Variants in FAM13B observed in about 807,000 individuals in gnomAD.
The protein encoded by FAM13B is family with sequence similarity 13 member B, also known as protein FAM13B.
A neutral mutation model predicts 117.3 loss-of-function variants in FAM13B; 60 were observed. The observed-to-expected ratio is 0.51, with a 90% CI of 0.42 to 0.63. The LOEUF is 0.63. Among genes scored for constraint, FAM13B ranks in the 30% least tolerant of loss-of-function variants. The probability of loss-of-function intolerance (pLI) is 0.00; values close to 1 mark genes in which losing one functional copy is unlikely to be tolerated. For synonymous variants in FAM13B, 332 were observed against 356.1 expected, an observed-to-expected ratio of 0.93 and a Z score of 0.76; for missense variants, 972 against 1,091.9, an observed-to-expected ratio of 0.89 and a Z score of 1.55.
intron 13 of FAM13B, among the ~76,000 whole-genome samples, chr5:137,958,671 A>C (rs1261354177): frequency 3.9e-5 from 6 of 152,236 alleles, no homozygotes; most frequent in African/African-American, 1.4e-4. Context: ...TCTTTACCAA[A>C]GTGTATGATC....
At chr5:137,948,309 G>C (rs1234669049) in intron 18 of FAM13B, among the ~76,000 whole-genome samples, 1 of 152,114 alleles carries the variant, frequency 6.6e-6, no homozygotes, top group Non-Finnish European at 1.5e-5. Context: ...AATATAACCA[G>C]CCAACGTGGG....
Position 137,947,937 on chromosome 5 carries a change from A to G in FAM13B, c.2160+1018T>C, listed in dbSNP as rs529606635. On this transcript the variant is annotated intron_variant, in intron 18 of 23. Transcript: ENST00000689681. ...AAAGTTAAGAGGGGAAGAGATGAGAATGACTAATTCAGCTCTGTTCAAGGG... is the reference window on the plus strand; with the variant it reads ...AAAGTTAAGAGGGGAAGAGATGAGAGTGACTAATTCAGCTCTGTTCAAGGG... Among the ~76,000 whole-genome samples, 6 of 152,264 alleles carry G rather than the reference A, an allele frequency of 3.9e-5. No homozygotes were observed. In the South Asian group the frequency reaches 6.2e-4, roughly 16 times the overall value.
intron 10 of FAM13B, among the ~76,000 whole-genome samples, chr5:137,970,453 G>C (rs1428902155): frequency 1.3e-5 from 2 of 151,974 alleles, no homozygotes; most frequent in African/African-American, 4.8e-5. Context: ...AAGAGCTCCT[G>C]AAGGAAGCGC....
At chr5:137,943,971 C>T (rs1037756203) in intron 20 of FAM13B, among the ~76,000 whole-genome samples, 4 of 152,108 alleles carry the variant, frequency 2.6e-5, no homozygotes, top group East Asian at 3.8e-4. Flanking sequence ...CCACTAATTT[C>T]GGAACGTTTC....
chr5:138,030,716 C>CG (rs981491900), intron 1 of FAM13B, among the ~76,000 whole-genome samples: 2 of 141,664 alleles, frequency 1.4e-5, no homozygotes, highest in African/African-American at 5.2e-5. Flanking sequence ...CTCCGTCCCC[C>CG]CCCCCCAAAA....
chr5:137,992,542 C>T (rs1344452119), intron 7 of FAM13B, among the ~76,000 whole-genome samples: 2 of 151,828 alleles, frequency 1.3e-5, no homozygotes, highest in Non-Finnish European at 2.9e-5. Context: ...TGTGGTGAGT[C>T]GAGATCATGT....
intron 10 of FAM13B, among the ~76,000 whole-genome samples, chr5:137,968,126 G>A (rs1334851183): frequency 6.6e-6 from 1 of 151,098 alleles, no homozygotes; most frequent in Non-Finnish European, 1.5e-5. Context: ...GGAGGCTGAG[G>A]CAGGAGAATC....
chr5:138,038,851 G>A (rs1210020708), intron 1 of FAM13B, among the ~76,000 whole-genome samples: 3 of 152,176 alleles, frequency 2.0e-5, no homozygotes, highest in Non-Finnish European at 4.4e-5. Context: ...CAGGCACTGT[G>A]CTAGGCGATA....
intron 7 of FAM13B, among the ~76,000 whole-genome samples, chr5:138,005,676 C>T (rs1363199658): frequency 2.0e-5 from 3 of 151,802 alleles, no homozygotes; most frequent in African/African-American, 7.3e-5. Context: ...AATCGGGCAA[C>T]AGAGAGAATA....
At chr5:138,004,285 C>T (rs908567014) in intron 7 of FAM13B, among the ~76,000 whole-genome samples, 1 of 65,038 alleles carries the variant, frequency 1.5e-5, no homozygotes, top group Non-Finnish European at 3.4e-5. Context: ...AAAAACAAAA[C>T]TGACAACCAC....
At chr5:137,998,896 C>T (rs1172461759) in intron 7 of FAM13B, among the ~76,000 whole-genome samples, 3 of 152,220 alleles carry the variant, frequency 2.0e-5, no homozygotes, top group Non-Finnish European at 2.9e-5. Context: ...AGGGCTCACA[C>T]ACTCTGTGCT....
intron 1 of FAM13B, among the ~76,000 whole-genome samples, chr5:138,029,615 T>C (rs933884894): frequency 1.3e-5 from 2 of 152,154 alleles, no homozygotes; most frequent in Non-Finnish European, 2.9e-5. Context: ...AAACACTAAA[T>C]CCAACGTGAC....
chr5:137,989,211 TG>T (rs1777989924), intron 7 of FAM13B, among the ~76,000 whole-genome samples: 1 of 152,216 alleles, frequency 6.6e-6, no homozygotes, highest in South Asian at 2.1e-4. Flanking sequence ...CTCCAAAATG[TG>T]GCAATACAAT....
At chr5:137,997,514 CAT>C (rs1440689135) in intron 7 of FAM13B, among the ~76,000 whole-genome samples, 9 of 151,304 alleles carry the variant, frequency 5.9e-5, no homozygotes, top group African/African-American at 1.2e-4. Flanking sequence ...AAATGATAAA[CAT>C]GTGGATATAA....
intron 10 of FAM13B, among the ~76,000 whole-genome samples, chr5:137,983,252 A>G (rs1302303866): frequency 1.3e-5 from 2 of 151,054 alleles, no homozygotes; most frequent in East Asian, 1.9e-4. Flanking sequence ...TGAAAAAAGT[A>G]TATCAAGGTA....
At chr5:138,034,995 CTTTTTTTTTTTTTTTTTTT>C (rs557807234), upstream of FAM13B, among the ~76,000 whole-genome samples, 1 of 34,362 alleles carries the variant, frequency 2.9e-5, no homozygotes, top group African/African-American at 1.2e-4. Context: ...ATTCCCTTGC[CTTTTTTTTTTTTTTTTTTT>C]TTTTTTTTTT....
chr5:138,018,551 A>T, intron 3 of FAM13B, 37 bp from the exon 4 acceptor site: 1 of 1,546,760 alleles, frequency 6.5e-7, no homozygotes, highest in Non-Finnish European at 8.9e-7. Flanking sequence ...ATAAGCTGCA[A>T]TGTCAACTGC....
Position 138,006,790 on chromosome 5 carries a change from G to A in FAM13B, c.848+200C>T, listed in dbSNP as rs549446289. ...ACAAGAAATATTTGTAAGAAGTTAT[G>A]TTTTTGAAAAAAGGTATTAACACTA... On this transcript the variant is annotated intron_variant, in intron 7 of 23. Coordinates refer to ENST00000689681, the MANE Select transcript of FAM13B (RefSeq NM_001385994.1). Among the ~76,000 whole-genome samples the A allele has an allele frequency of 2.6e-5, 4 of 152,230 alleles. No homozygotes were observed. The South Asian group carries it at 8.3e-4, about 32-fold the overall frequency.
intron 10 of FAM13B, among the ~76,000 whole-genome samples, chr5:137,967,429 C>A (rs1219006517): frequency 6.6e-6 from 1 of 151,874 alleles, no homozygotes; most frequent in Non-Finnish European, 1.5e-5. Flanking sequence ...GAGGCTGAGG[C>A]AGAGAACTGC....
Sources: allele counts gnomAD v4.1 joint callset (sites outside exome capture counted in the v4.1 genomes callset), GRCh38; gene constraint gnomAD v4.1.1; transcripts MANE v1.5; gene names NCBI Gene and HGNC (gene_info 2026-07-23, HGNC 2026-07-21).